The following SLC38A12 variants were observed in gnomAD, a reference collection of about 807,000 sequenced individuals.
SLC38A12 encodes the protein putative sodium-coupled neutral amino acid transporter 12.
the SLC38A12 span, chr17:74,790,051 T>A: frequency 1.6e-6 from 1 of 622,412 alleles, no homozygotes; most frequent in Non-Finnish European, 2.9e-6. Context: ...TCTCCTGGGC[T>A]CAGGTGATCC....
the SLC38A12 span, chr17:74,795,212 C>A: frequency 7.1e-6 from 7 of 982,810 alleles, no homozygotes; most frequent in African/African-American, 1.6e-5. Context: ...CAAGTGAGTT[C>A]ATTGCATCTA....
At chr17:74,785,317 C>A in the SLC38A12 span, among the ~76,000 whole-genome samples, 1 of 152,190 alleles carries the variant, frequency 6.6e-6, no homozygotes, top group African/African-American at 2.4e-5. Flanking sequence ...GCAAGCCTGG[C>A]TCCTTAGGCC....
chr17:74,805,377 G>A, the SLC38A12 span, among the ~76,000 whole-genome samples: 19 of 152,218 alleles, frequency 1.2e-4, no homozygotes, highest in African/African-American at 2.9e-4. The surrounding 1 kb of genome is among the most constrained non-coding windows in gnomAD (Gnocchi z 5.0). Flanking sequence ...TGTCACTTGC[G>A]GCTGACGGGT....
chr17:74,809,644 C>T, the SLC38A12 span, among the ~76,000 whole-genome samples: 80,052 of 151,930 alleles, frequency 0.53, 21,643 homozygotes, highest in African/African-American at 0.63. Context: ...AGGCTAACAT[C>T]GCATCCTGGG....
chr17:74,777,598 G>A, the SLC38A12 span: 1 of 1,504,670 alleles, frequency 6.6e-7, no homozygotes, highest in Middle Eastern at 1.7e-4. Flanking sequence ...GAGTGGTCAA[G>A]CCAAACAAAA....
At chr17:74,805,795 G>A in the SLC38A12 span, among the ~76,000 whole-genome samples, 6 of 152,268 alleles carry the variant, frequency 3.9e-5, no homozygotes, top group South Asian at 4.1e-4. The surrounding 1 kb of genome is among the most constrained non-coding windows in gnomAD (Gnocchi z 5.0). Flanking sequence ...CTCTTCCTGC[G>A]CCGAGAGCAT....
chr17:74,821,338 C>T, the SLC38A12 span, among the ~76,000 whole-genome samples: 1 of 152,210 alleles, frequency 6.6e-6, no homozygotes, highest in African/African-American at 2.4e-5. Context: ...CTAGACAGGG[C>T]GGAAGTCTGC....
At chr17:74,788,523 C>T in the SLC38A12 span, among the ~76,000 whole-genome samples, 2 of 152,216 alleles carry the variant, frequency 1.3e-5, no homozygotes, top group African/African-American at 4.8e-5. Flanking sequence ...CTGCCCCCAG[C>T]TCCCTCTCTC....
the SLC38A12 span, chr17:74,838,360 C>T: frequency 1.0e-6 from 1 of 996,362 alleles, no homozygotes; most frequent in South Asian, 4.5e-5. Context: ...GCAAGGAAGA[C>T]CTGGCTGCCC....
At chr17:74,814,575 CTA>C in the SLC38A12 span, among the ~76,000 whole-genome samples, 3 of 152,240 alleles carry the variant, frequency 2.0e-5, no homozygotes, top group South Asian at 2.1e-4. Flanking sequence ...TATTCCCTGA[CTA>C]TGTGCTGTTT....
the SLC38A12 span, among the ~76,000 whole-genome samples, chr17:74,781,927 T>C: frequency 8.5e-4 from 130 of 152,358 alleles, 1 homozygote; most frequent in Middle Eastern, 6.8e-3. Context: ...TCTTTCCCAC[T>C]GTAGGCCTCT....
the SLC38A12 span, chr17:74,790,266 C>T: frequency 5.9e-5 from 95 of 1,614,110 alleles, 1 homozygote; most frequent in Middle Eastern, 2.6e-3. Context: ...CAACTACGAG[C>T]GGGCAGAGAA....
At chr17:74,814,570 CCTGA>C in the SLC38A12 span, among the ~76,000 whole-genome samples, 2 of 152,176 alleles carry the variant, frequency 1.3e-5, no homozygotes, top group Non-Finnish European at 2.9e-5. Context: ...AGAGTTATTC[CCTGA>C]CTATGTGCTG....
At chr17:74,815,703 C>T in the SLC38A12 span, among the ~76,000 whole-genome samples, 1 of 152,152 alleles carries the variant, frequency 6.6e-6, no homozygotes. Flanking sequence ...GTGGTGGACA[C>T]GGCACAGCCT....
At chr17:74,819,683 G>A in the SLC38A12 span, 155 of 1,491,340 alleles carry the variant, frequency 1.0e-4, no homozygotes, top group East Asian at 2.9e-4. Context: ...GAGCAGCAGC[G>A]TCTTCCGTGT....
the SLC38A12 span, among the ~76,000 whole-genome samples, chr17:74,779,375 G>C: frequency 0.018 from 2,812 of 152,212 alleles, 80 homozygotes; most frequent in African/African-American, 0.064. Flanking sequence ...CCAGCTCTGG[G>C]CATTGGCCAT....
chr17:74,799,505 G>C, the SLC38A12 span, among the ~76,000 whole-genome samples: 1 of 152,208 alleles, frequency 6.6e-6, no homozygotes, highest in African/African-American at 2.4e-5. Flanking sequence ...GCCTGCAAGT[G>C]CCTGGCCAGT....
the SLC38A12 span, among the ~76,000 whole-genome samples, chr17:74,813,175 G>A: frequency 3.1e-4 from 47 of 152,234 alleles, no homozygotes; most frequent in South Asian, 7.9e-3. Context: ...CGTCGCCTGC[G>A]TGCTTCCCTG....
chr17:74,806,028 A>G, the SLC38A12 span, among the ~76,000 whole-genome samples: 2 of 152,182 alleles, frequency 1.3e-5, no homozygotes, highest in South Asian at 2.1e-4. Context: ...GCCCATGGGC[A>G]CACACATCAC....
Sources: gnomAD v4.1 joint callset for allele counts (sites outside exome capture counted in the v4.1 genomes callset) on GRCh38, gnomAD v4.1.1 for gene constraint, Gnocchi (gnomAD v3.1) non-coding constraint, MANE v1.5 for transcripts, NCBI Gene and HGNC (gene_info 2026-07-23, HGNC 2026-07-21) for gene names.